Variants in ATP11C observed in about 807,000 individuals in gnomAD.
ATP11C encodes ATPase phospholipid transporting 11C (ATP11C blood group).
Under a neutral mutation model 97.4 loss-of-function variants are expected in ATP11C, and 36 were observed. The ratio of observed to expected loss-of-function variants is 0.37; its 90% CI spans 0.28 to 0.49. ATP11C has a LOEUF of 0.49. Among genes scored for constraint, ATP11C ranks in the 20% least tolerant of loss-of-function variants. ATP11C has a pLI of 0.98. For synonymous variants in ATP11C, 275 were observed against 290.9 expected (o/e 0.95, Z 0.56); for missense variants, 730 against 824.6 (o/e 0.89, Z 1.40).
chrX:139,768,245 A>G lies in ATP11C; in HGVS notation c.2391+15T>C. 1 of 1,047,507 alleles carries G rather than the reference A, an allele frequency of 9.5e-7. No individual in the cohort carries two copies. Among genetic ancestry groups the G allele is most frequent in the Non-Finnish European group, 1.2e-6 (1 of 802,181 alleles). The allele number at this position is 1,047,507 out of a possible 1,213,427, so 86.3% of individuals were successfully genotyped here. On this transcript the variant is annotated intron_variant, in intron 20 of 29. Transcript: ENST00000682941. ...AAGTATCCAGAATGGAACGTTAACT[A>G]ATATTCACAGTTACCTGGGCTTTCT... is the stretch of plus-strand genomic sequence containing the variant.
intron 1 of ATP11C, among the ~76,000 whole-genome samples, chrX:139,846,178 C>A (rs762205478): frequency 3.0e-4 from 34 of 112,195 alleles, no homozygotes; most frequent in Non-Finnish European, 5.4e-4. Flanking sequence ...ATATAACAAA[C>A]CGGAATAAGC....
intron 1 of ATP11C, among the ~76,000 whole-genome samples, chrX:139,898,697 A>G (rs1261054450): frequency 1.8e-5 from 2 of 112,055 alleles, no homozygotes; most frequent in Non-Finnish European, 3.8e-5. Flanking sequence ...TATTTGAAAC[A>G]TGTCAACTGC....
At chrX:139,813,784 G>T (rs1457466850) in intron 5 of ATP11C, among the ~76,000 whole-genome samples, 2 of 111,736 alleles carry the variant, frequency 1.8e-5, no homozygotes, top group Non-Finnish European at 1.9e-5. Context: ...GAAGAGAACA[G>T]AAGATTTTTA....
intron 1 of ATP11C, among the ~76,000 whole-genome samples, chrX:139,871,278 G>A (rs1368706992): frequency 9.5e-6 from 1 of 104,805 alleles, no homozygotes; most frequent in Non-Finnish European, 2.0e-5. Flanking sequence ...GCGTGATCTC[G>A]GCTCACTGCA....
chrX:139,755,289 A>C (rs1364190592), intron 23 of ATP11C, among the ~76,000 whole-genome samples: 1 of 112,015 alleles, frequency 8.9e-6, no homozygotes, highest in Non-Finnish European at 1.9e-5. Context: ...GAGGTGAAAG[A>C]TCTTTACAAT....
chrX:139,743,686 C>T, intron 25 of ATP11C, 62 bp from the exon 26 acceptor site: 1 of 729,767 alleles, frequency 1.4e-6, no homozygotes, highest in South Asian at 3.9e-5. Flanking sequence ...AGTATTTTTT[C>T]ATTTAAAAAA....
intron 1 of ATP11C, among the ~76,000 whole-genome samples, chrX:139,904,614 C>CAATT (rs1464256769): frequency 1.8e-5 from 2 of 111,667 alleles, no homozygotes; most frequent in Non-Finnish European, 3.8e-5. Flanking sequence ...TCATTAATTA[C>CAATT]AATTGCAGGA....
intron 1 of ATP11C, among the ~76,000 whole-genome samples, chrX:139,918,131 G>A (rs1390855143): frequency 9.0e-6 from 1 of 111,401 alleles, no homozygotes; most frequent in Non-Finnish European, 1.9e-5. Context: ...ATGCACAGCA[G>A]TCTCATTTCT....
chrX:139,860,104 C>CAAAAA (rs1245214221), intron 1 of ATP11C, among the ~76,000 whole-genome samples: 149 of 16,322 alleles, frequency 9.1e-3, no homozygotes, highest in Middle Eastern at 0.026. Context: ...GACTCCGTCT[C>CAAAAA]AAAAAAAAAA....
Position 139,737,921 on chromosome X carries a change from C to G in ATP11C, c.3283G>C (p.Ala1095Pro), listed in dbSNP as rs1603335900. ...IVLKNVRRRS[A>P]RRNLSCRRAS... ...AAGATAAACTTAGTTCTTACCCTGG[C>G]ACTTCTTCTTCTTACATTCTTTAAT... The change falls in exon 28 of 30, where the codon GCC (alanine) becomes CCC (proline). Residue 1095 changes from alanine (A) to proline (P), a missense_variant. Transcript: ENST00000682941. 1 of 1,199,943 alleles carries G rather than the reference C, an allele frequency of 8.3e-7. No homozygotes were observed. The highest frequency in any genetic ancestry group is 1.1e-6 in the Non-Finnish European group (1 of 890,162).
intron 19 of ATP11C, among the ~76,000 whole-genome samples, chrX:139,769,317 TA>T (rs2082206955): frequency 6.2e-5 from 5 of 80,344 alleles, no homozygotes; most frequent in African/African-American, 2.3e-4. Flanking sequence ...TATATATATA[TA>T]TATATATATT....
chrX:139,763,231 A>T, intron 21 of ATP11C, 85 bp downstream of exon 21: 1 of 718,931 alleles, frequency 1.4e-6, no homozygotes, highest in Non-Finnish European at 2.1e-6. Context: ...AGTAACCAAA[A>T]CAGTCACTCT....
chrX:139,847,127 G>A (rs2083920564), intron 1 of ATP11C, among the ~76,000 whole-genome samples: 2 of 110,859 alleles, frequency 1.8e-5, no homozygotes, highest in Admixed American at 1.9e-4. Context: ...GCTCACACCT[G>A]TAATCCCAAC....
intron 19 of ATP11C, among the ~76,000 whole-genome samples, chrX:139,769,987 A>G (rs2082222009): frequency 9.0e-6 from 1 of 111,614 alleles, no homozygotes; most frequent in Non-Finnish European, 1.9e-5. Context: ...CTAATACCAT[A>G]ACATTTTATA....
In ATP11C at chrX:139,836,241, C is replaced by T. The variant is rs184223851; in HGVS notation, c.28-9418G>A. Among the ~76,000 whole-genome samples the T allele has an allele frequency of 1.4e-3, 149 of 110,052 alleles. 1 individual carries two copies. Among genetic ancestry groups the T allele is most frequent in the African/African-American group, 4.8e-3 (144 of 30,229 alleles). Reference sequence around the variant, plus strand: ...TAAAAAATTGCAGGTTTGGGCCGGGCACGGTGGCTCATGCCTGTAATCTCA... The same window carrying T: ...TAAAAAATTGCAGGTTTGGGCCGGGTACGGTGGCTCATGCCTGTAATCTCA... On this transcript the variant is annotated intron_variant, in intron 1 of 29. Transcript: ENST00000682941.
At chrX:139,772,719 T>C (rs1030486810) in intron 19 of ATP11C, among the ~76,000 whole-genome samples, 2 of 111,477 alleles carry the variant, frequency 1.8e-5, no homozygotes. Context: ...TCTAATCCCT[T>C]TGTTTTGGCC....
intron 1 of ATP11C, among the ~76,000 whole-genome samples, chrX:139,836,273 T>TG (rs1354677621): frequency 9.0e-6 from 1 of 110,747 alleles, no homozygotes; most frequent in African/African-American, 3.3e-5. Flanking sequence ...CTCAGCACTT[T>TG]GGGAGGCCGA....
chrX:139,765,186 T>C (rs2082111724), intron 20 of ATP11C, among the ~76,000 whole-genome samples: 1 of 110,263 alleles, frequency 9.1e-6, no homozygotes, highest in African/African-American at 3.3e-5. Context: ...CAGCCCTAGA[T>C]CAAATGGATT....
intron 19 of ATP11C, among the ~76,000 whole-genome samples, chrX:139,770,323 T>G (rs2082229563): frequency 8.9e-6 from 1 of 112,087 alleles, no homozygotes; most frequent in African/African-American, 3.2e-5. Context: ...CAGGAAAGAA[T>G]AGTGGATTCT....
Sources: gnomAD v4.1 joint callset for allele counts (sites outside exome capture counted in the v4.1 genomes callset) on GRCh38, gnomAD v4.1.1 for gene constraint, MANE v1.5 for transcripts, NCBI Gene and HGNC (gene_info 2026-07-23, HGNC 2026-07-21) for gene names.